CIT: variants seen among roughly 807,000 people sequenced by gnomAD.
CIT encodes citron Rho-interacting kinase.
CIT carries 79 observed loss-of-function variants against 272.7 expected under a neutral mutation model. The observed-to-expected ratio is 0.29, with a 90% CI of 0.24 to 0.35. CIT has a LOEUF of 0.35. Among genes scored for constraint, CIT ranks in the 10% least tolerant of loss-of-function variants. The pLI, the probability that CIT is intolerant of heterozygous loss-of-function variation, is 1.00. For missense variants in CIT, 1,909 were observed against 2,618.3 expected (o/e 0.73, Z 5.91); for synonymous variants, 948 against 995.6 (o/e 0.95, Z 0.90).
chr12:119,737,029 A>C (rs1958804545), intron 24 of CIT, among the ~76,000 whole-genome samples: 1 of 152,144 alleles, frequency 6.6e-6, no homozygotes, highest in Non-Finnish European at 1.5e-5. Context: ...ATCTGCTTTT[A>C]CCTTTTTAAT....
intron 46 of CIT, among the ~76,000 whole-genome samples, chr12:119,691,826 A>G (rs1056157664): frequency 6.6e-6 from 1 of 152,336 alleles, no homozygotes; most frequent in African/African-American, 2.4e-5. Flanking sequence ...CAGCTCTAAA[A>G]GTACTAGGGT....
chr12:119,723,388 C>G (rs991865916), intron 28 of CIT, among the ~76,000 whole-genome samples: 4 of 120,648 alleles, frequency 3.3e-5, no homozygotes, highest in African/African-American at 1.3e-4. Flanking sequence ...CTGGTTATTC[C>G]CTATACATTA....
At chr12:119,742,318 A>T in intron 24 of CIT, 93 bp downstream of exon 24, 1 of 879,392 alleles carries the variant, frequency 1.1e-6, no homozygotes, top group African/African-American at 1.7e-5. Flanking sequence ...TCGTATCAAA[A>T]CTCAGTCACC....
chr12:119,852,551 T>TA lies in CIT; in HGVS notation c.415-2277dup, dbSNP rs1015123319. Among the ~76,000 whole-genome samples, 247 of 151,200 alleles carry TA rather than the reference T, an allele frequency of 1.6e-3. 1 individual carries two copies. The highest frequency in any genetic ancestry group is 5.3e-3 in the African/African-American group (220 of 41,212). ...CAACATGATGAAACCTCGTCTCTAC[T>TA]AAAAAAAATACAAAAATTAGCTGGG... On this transcript the variant is annotated intron_variant, in intron 4 of 47. Transcript: ENST00000392521.
Position 119,712,894 on chromosome 12 carries a change from G to A in CIT, c.4580-199C>T. On this transcript the variant is annotated intron_variant, in intron 35 of 47. Transcript: ENST00000392521. This position sits in a 1 kb window ranked among gnomAD's most constrained non-coding sequence, Gnocchi z 5.2. ...TAAAAAAAAATAAAGTGTGTCAGAT[G>A]AGTAGCACAGTCAAATTTCTGATGA... 1.7e-6 allele frequency: 1 copy of A among 585,878 alleles called. No individual in the cohort carries two copies. The highest frequency in any genetic ancestry group is 3.1e-5 in the Admixed American group (1 of 32,204). The allele number at this position is 585,878 out of a possible 1,614,324, so 36.3% of individuals were successfully genotyped here.
intron 23 of CIT, among the ~76,000 whole-genome samples, chr12:119,750,762 T>C (rs1960131577): frequency 2.2e-5 from 2 of 92,738 alleles, no homozygotes; most frequent in African/African-American, 4.6e-5. Flanking sequence ...GATAGATAGA[T>C]AGATAGATAG....
At chr12:119,709,896 T>A (rs1358131350) in intron 39 of CIT, among the ~76,000 whole-genome samples, 1 of 149,100 alleles carries the variant, frequency 6.7e-6, no homozygotes, top group African/African-American at 2.5e-5. Flanking sequence ...TTGAGAGAGA[T>A]CACAGAGTTA....
At chr12:119,801,431 T>C (rs1966188114) in intron 10 of CIT, among the ~76,000 whole-genome samples, 1 of 152,184 alleles carries the variant, frequency 6.6e-6, no homozygotes, top group Non-Finnish European at 1.5e-5. Flanking sequence ...CACACACTGC[T>C]TCAGATTAAT....
chr12:119,704,331 C>T (rs1593404504), intron 41 of CIT, 32 bp downstream of exon 41: 1 of 1,599,776 alleles, frequency 6.3e-7, no homozygotes, highest in Non-Finnish European at 8.6e-7. Context: ...CTGGCTTTCC[C>T]ACGTTCAACC....
intron 24 of CIT, among the ~76,000 whole-genome samples, chr12:119,740,727 A>G (rs1959018260): frequency 6.6e-6 from 1 of 152,180 alleles, no homozygotes; most frequent in African/African-American, 2.4e-5. Flanking sequence ...ATTCACGCGC[A>G]TGTATGTAAT....
rs1392711550 is a variant in CIT, at chr12:119,850,282, A to G, written c.415-7T>C. 6.9e-6 allele frequency: 11 copies of G among 1,586,350 alleles called. No homozygotes were observed. Among genetic ancestry groups the G allele is most frequent in the South Asian group, 5.5e-5 (5 of 90,330 alleles). On this transcript the variant is annotated splice_region_variant and splice_polypyrimidine_tract_variant and intron_variant, in intron 4 of 47. Transcript: ENST00000392521. ...CTTCCTCAAAAAATGAAACCTAGGG[A>G]AAAAAGAAACTGCTTAGACAATTAT...
rs1957671188 is a variant in CIT at position 119,718,629 on chromosome 12, C to T, written c.4003+70G>A. Reference sequence around the variant, plus strand: ...AAGACACTGAGCTAGTTAGTCTTGGCTGATCTCACTGAGATCAATCCTCTG... The same window carrying T: ...AAGACACTGAGCTAGTTAGTCTTGGTTGATCTCACTGAGATCAATCCTCTG... On this transcript the variant is annotated intron_variant, in intron 31 of 47. Coordinates refer to ENST00000392521, the MANE Select transcript of CIT (RefSeq NM_001206999.2). This position sits in a 1 kb window ranked among gnomAD's most constrained non-coding sequence, Gnocchi z 4.8. 4 of 1,576,940 alleles carry T rather than the reference C, an allele frequency of 2.5e-6. No individual in the cohort carries two copies. Among genetic ancestry groups the T allele is most frequent in the South Asian group, 2.2e-5 (2 of 89,204 alleles).
At chr12:119,775,724 G>T in intron 16 of CIT, 62 bp downstream of exon 16, 2 of 1,304,140 alleles carry the variant, frequency 1.5e-6, no homozygotes, top group Non-Finnish European at 1.1e-6. Context: ...CTGGGACAAG[G>T]CAAAGATGTT....
At chr12:119,769,677 G>A (rs1176961689) in intron 18 of CIT, among the ~76,000 whole-genome samples, 2 of 152,140 alleles carry the variant, frequency 1.3e-5, no homozygotes, top group African/African-American at 4.8e-5. Context: ...AACAGAAAGG[G>A]TAGACTAACA....
intron 10 of CIT, among the ~76,000 whole-genome samples, chr12:119,800,302 T>C (rs1966084623): frequency 6.6e-6 from 1 of 152,030 alleles, no homozygotes; most frequent in East Asian, 1.9e-4. Context: ...CCAAACCTAG[T>C]TCTCTAGAAA....
At chr12:119,848,178 AGCCAGT>A (rs1172182495) in intron 5 of CIT, among the ~76,000 whole-genome samples, 2 of 152,230 alleles carry the variant, frequency 1.3e-5, no homozygotes. Context: ...GGTCAGTCAA[AGCCAGT>A]CTGCCAATAG....
At chr12:119,695,363 C>G (rs1373987432) in intron 46 of CIT, among the ~76,000 whole-genome samples, 1 of 152,146 alleles carries the variant, frequency 6.6e-6, no homozygotes. Flanking sequence ...CCTAGCGACG[C>G]TCCGTGGAAA....
intron 4 of CIT, among the ~76,000 whole-genome samples, chr12:119,852,215 G>A (rs565885743): frequency 1.3e-5 from 2 of 151,984 alleles, no homozygotes; most frequent in Non-Finnish European, 2.9e-5. Context: ...GAGATATTCC[G>A]GCCAAAGACC....
chr12:119,852,713 AAAAC>A (rs1189911176), intron 4 of CIT, among the ~76,000 whole-genome samples: 1 of 151,920 alleles, frequency 6.6e-6, no homozygotes, highest in Non-Finnish European at 1.5e-5. Context: ...AAAAAAAACA[AAAAC>A]AAAAACTGTA....
Sources: gnomAD v4.1 joint callset for allele counts (sites outside exome capture counted in the v4.1 genomes callset) on GRCh38, gnomAD v4.1.1 for gene constraint, Gnocchi (gnomAD v3.1) non-coding constraint, MANE v1.5 for transcripts, NCBI Gene and HGNC (gene_info 2026-07-23, HGNC 2026-07-21) for gene names.